Variants in ASCC3 observed in about 807,000 individuals in gnomAD.
ASCC3 encodes the protein activating signal cointegrator 1 complex subunit 3, also known as ASC-1 complex subunit P200.
ASCC3 carries 158 observed loss-of-function variants against 256.3 expected under a neutral mutation model. That is an observed-to-expected ratio of 0.62 (90% CI 0.54 to 0.70). The LOEUF (loss-of-function observed/expected upper bound fraction) is 0.70, where lower values mean the gene tolerates loss of function less well. Among genes scored for constraint, ASCC3 ranks in the 30% least tolerant of loss-of-function variants. The pLI, the probability that ASCC3 is intolerant of heterozygous loss-of-function variation, is 0.00. For synonymous variants in ASCC3, 948 were observed against 883.4 expected (o/e 1.07, Z -1.30); for missense variants, 2,259 against 2,626.0 (o/e 0.86, Z 3.05).
At chr6:100,866,263 C>A (rs1773474501) in intron 2 of ASCC3, among the ~76,000 whole-genome samples, 1 of 152,192 alleles carries the variant, frequency 6.6e-6, no homozygotes, top group Non-Finnish European at 1.5e-5. Context: ...AGCCACAGCG[C>A]CTGGCCCTAG....
At chr6:100,745,470 G>A (rs1450996713) in intron 10 of ASCC3, among the ~76,000 whole-genome samples, 2 of 147,026 alleles carry the variant, frequency 1.4e-5, no homozygotes, top group African/African-American at 5.1e-5. Context: ...CTGGGTGACA[G>A]AGTGAGACTT....
Position 100,523,578 on chromosome 6 carries a change from G to C in ASCC3, c.5776-5436C>G, listed in dbSNP as rs369313533. 1.4e-4 allele frequency among the ~76,000 whole-genome samples: 21 copies of C among 152,234 alleles called. No individual in the cohort carries two copies. In the East Asian group the frequency reaches 2.3e-3, roughly 17 times the overall value. ...AGTCTCTGTAAGGAAATTTTTAAAG[G>C]TGTGGGGTTCCTGAAGCCAAAGGTA... is the stretch of plus-strand genomic sequence containing the variant. On this transcript the variant is annotated intron_variant, in intron 37 of 41. Coordinates refer to ENST00000369162, the MANE Select transcript of ASCC3 (RefSeq NM_006828.4).
chr6:100,544,854 A>T (rs546380334), intron 36 of ASCC3, among the ~76,000 whole-genome samples: 220 of 152,340 alleles, frequency 1.4e-3, no homozygotes, highest in African/African-American at 5.0e-3. Context: ...CTAGACAATA[A>T]CATTAAAGGA....
At chr6:100,628,091 C>CAAAAAAAAAAA in intron 27 of ASCC3, 104 bp from the exon 28 acceptor site, 2 of 843,704 alleles carry the variant, frequency 2.4e-6, no homozygotes, top group South Asian at 4.0e-5. Flanking sequence ...AAAACAAAAA[C>CAAAAAAAAAAA]AAAAAAAAAA....
chr6:100,813,131 T>C (rs9485410), intron 4 of ASCC3, among the ~76,000 whole-genome samples: 64,381 of 151,914 alleles, frequency 0.42, 14,459 homozygotes, highest in Middle Eastern at 0.57. Flanking sequence ...CTGAAATTTA[T>C]TGAAAAACAC....
rs1188631295 is a variant in ASCC3 at position 100,647,297 on chromosome 6, T to C, written c.3407A>G (p.His1136Arg). Reference protein sequence around the residue: ...PLRQFSILPPHILTRLEEKKL... With the variant: ...PLRQFSILPPRILTRLEEKKL... ...TTTTTCTTCTAATCTTGTTAGGATG[T>C]GTGGTGGTAGGATTGAAAATTGTCT... The change falls in exon 21 of 42, where the codon CAC (histidine) becomes CGC (arginine). Residue 1136 changes from histidine (H) to arginine (R), a missense_variant. His to Arg is a conservative substitution (Grantham distance 29). Transcript: ENST00000369162. The C allele has an allele frequency of 6.2e-7, 1 of 1,614,054 alleles. No individual in the cohort carries two copies. The highest frequency in any genetic ancestry group is 8.5e-7 in the Non-Finnish European group (1 of 1,179,968).
At position 100,639,773 on chromosome 6, in the gene ASCC3, C is replaced by T. The variant is rs544475405; in HGVS notation, c.3902-952G>A. Among the ~76,000 whole-genome samples, 35 of 152,222 alleles carry T rather than the reference C, an allele frequency of 2.3e-4. No homozygotes were observed. In the South Asian group the frequency reaches 4.4e-3, roughly 19 times the overall value. On this transcript the variant is annotated intron_variant, in intron 24 of 41. Coordinates refer to ENST00000369162, the MANE Select transcript of ASCC3 (RefSeq NM_006828.4). ...AATTACATAGGTAACTGAGGGCTAA[C>T]GACATACTTTCTACACCAGACTGTA... is the stretch of plus-strand genomic sequence containing the variant.
At chr6:100,854,641 A>C (rs1170026900) in intron 3 of ASCC3, among the ~76,000 whole-genome samples, 1 of 152,178 alleles carries the variant, frequency 6.6e-6, no homozygotes, top group African/African-American at 2.4e-5. Flanking sequence ...CAAAATGTGA[A>C]TACTCAACTT....
At chr6:100,871,404 A>T (rs565992019) in intron 1 of ASCC3, among the ~76,000 whole-genome samples, 1 of 152,040 alleles carries the variant, frequency 6.6e-6, no homozygotes, top group African/African-American at 2.4e-5. Flanking sequence ...AATGTCTTTT[A>T]TTCTTAAATC....
At chr6:100,671,377 T>C (rs150149285) in intron 14 of ASCC3, among the ~76,000 whole-genome samples, 5 of 152,090 alleles carry the variant, frequency 3.3e-5, no homozygotes, top group African/African-American at 1.2e-4. Context: ...TACAGAGATA[T>C]ACTTTATCTT....
At chr6:100,611,010 G>C (rs240113) in intron 30 of ASCC3, among the ~76,000 whole-genome samples, 2 of 151,884 alleles carry the variant, frequency 1.3e-5, no homozygotes, top group African/African-American at 4.8e-5. Flanking sequence ...GTAGTGCCCC[G>C]TGGCAATGCC....
At chr6:100,702,688 T>C (rs1778408109) in intron 13 of ASCC3, among the ~76,000 whole-genome samples, 2 of 152,010 alleles carry the variant, frequency 1.3e-5, no homozygotes, top group Non-Finnish European at 2.9e-5. Context: ...AAAAACAGAG[T>C]TTTGTGTCAA....
intron 8 of ASCC3, among the ~76,000 whole-genome samples, chr6:100,782,168 C>A (rs1226229400): frequency 1.3e-5 from 2 of 152,076 alleles, no homozygotes; most frequent in African/African-American, 2.4e-5. Flanking sequence ...AGTTGGTCAA[C>A]TAAACTCTAG....
intron 3 of ASCC3, among the ~76,000 whole-genome samples, chr6:100,849,318 T>C (rs1276101113): frequency 1.3e-5 from 2 of 152,136 alleles, no homozygotes; most frequent in Non-Finnish European, 2.9e-5. Context: ...AAACTCACTT[T>C]AAAACTAATT....
chr6:100,684,012 G>C (rs1441840152), intron 13 of ASCC3, among the ~76,000 whole-genome samples: 2 of 152,114 alleles, frequency 1.3e-5, no homozygotes, highest in Non-Finnish European at 2.9e-5. Flanking sequence ...ACTTGTCAAA[G>C]AAAGTGTTCT....
rs368683754 is a variant in ASCC3 at position 100,800,308 on chromosome 6, C to G, written c.1119G>C (p.Arg373=). Residue 373 remains arginine, a synonymous_variant, in exon 6 of 42, where the codon CGG becomes CGC. Coordinates refer to ENST00000369162, the MANE Select transcript of ASCC3 (RefSeq NM_006828.4). ...GLMCFDPKEL[R]IQREQALLNA... Reference sequence around the variant, plus strand: ...CTCCTGGCTTTTATTACCTTTGTATCCGCAATTCCTTAGGATCAAAGCACA... The same window carrying G: ...CTCCTGGCTTTTATTACCTTTGTATGCGCAATTCCTTAGGATCAAAGCACA... 8.1e-6 allele frequency: 13 copies of G among 1,612,570 alleles called. No homozygotes were observed. Among genetic ancestry groups the G allele is most frequent in the Non-Finnish European group, 1.1e-5 (13 of 1,179,062 alleles).
At chr6:100,655,938 AG>A (rs1401184277) in intron 16 of ASCC3, 120 bp from the exon 17 acceptor site, 1 of 1,168,660 alleles carries the variant, frequency 8.6e-7, no homozygotes, top group Non-Finnish European at 1.2e-6. Context: ...ATTTTTAAAA[AG>A]GTAGGCATAG....
chr6:100,706,267 T>A (rs538347613), intron 13 of ASCC3, among the ~76,000 whole-genome samples: 15 of 151,608 alleles, frequency 9.9e-5, no homozygotes, highest in Admixed American at 2.6e-4. Flanking sequence ...CTTAAAGTTA[T>A]AATTTAAAAC....
chr6:100,525,156 C>CAAAAAAAAAAAAAAAAAAAAAA (rs57882047), intron 37 of ASCC3, among the ~76,000 whole-genome samples: 11 of 44,954 alleles, frequency 2.4e-4, no homozygotes, highest in Admixed American at 4.2e-4. Context: ...GACCCTGTCT[C>CAAAAAAAAAAAAAAAAAAAAAA]AAAAAAAAAA....
Sources: allele counts gnomAD v4.1 joint callset (sites outside exome capture counted in the v4.1 genomes callset), GRCh38; gene constraint gnomAD v4.1.1; transcripts MANE v1.5; gene names NCBI Gene and HGNC (gene_info 2026-07-23, HGNC 2026-07-21).